The following MINAR1 variants were observed in gnomAD, a reference collection of about 807,000 sequenced individuals.
MINAR1 encodes the protein membrane integral NOTCH2 associated receptor 1.
A neutral mutation model predicts 65.1 loss-of-function variants in MINAR1; 40 were observed. That is an observed-to-expected ratio of 0.61 (90% confidence interval 0.48 to 0.80). MINAR1 has a LOEUF of 0.80. MINAR1 is among the 30% of genes least tolerant of loss of function. The pLI is 0.00. For synonymous variants in MINAR1, 482 were observed against 449.1 expected (o/e 1.07, Z -0.93); for missense variants, 1,128 against 1,148.0 (o/e 0.98, Z 0.25).
intron 1 of MINAR1, among the ~76,000 whole-genome samples, chr15:79,449,692 A>AG (rs1486477657): frequency 3.9e-5 from 6 of 152,204 alleles, no homozygotes; most frequent in African/African-American, 7.2e-5. Flanking sequence ...ATTCCTGGGA[A>AG]GGGGTCTTAA....
chr15:79,449,814 C>G (rs990947911), intron 1 of MINAR1, among the ~76,000 whole-genome samples: 3 of 152,202 alleles, frequency 2.0e-5, no homozygotes, highest in African/African-American at 7.2e-5. Context: ...CTCCTTCTCT[C>G]CATCCCTACC....
chr15:79,430,537 C>A (rs1161892732), upstream of MINAR1, among the ~76,000 whole-genome samples: 3 of 152,314 alleles, frequency 2.0e-5, no homozygotes, highest in East Asian at 5.8e-4. Flanking sequence ...ACCAAACAGG[C>A]TTCTTACCCT....
chr15:79,466,592 C>T (rs1405145792), intron 3 of MINAR1, among the ~76,000 whole-genome samples: 2 of 152,048 alleles, frequency 1.3e-5, no homozygotes. Flanking sequence ...AAGGGTTGTA[C>T]AAAGACAGGT....
rs555263761 is a variant in MINAR1 at position 79,449,345 on chromosome 15, C to T, written c.-50-6753C>T. Among the ~76,000 whole-genome samples the T allele has an allele frequency of 2.2e-4, 34 of 152,310 alleles. No individual in the cohort carries two copies. The South Asian group carries it at 3.5e-3, about 16-fold the overall frequency. On this transcript the variant is annotated intron_variant, in intron 1 of 3. Transcript: ENST00000305428. ...GACTCCCAGCCCAGAGTTTAGTGTACGCCCTATCTTAGTATGTTTGTGTTG... is the reference window on the plus strand; with the variant it reads ...GACTCCCAGCCCAGAGTTTAGTGTATGCCCTATCTTAGTATGTTTGTGTTG...
Position 79,434,661 on chromosome 15 carries a change from A to C in MINAR1, c.-51+2121A>C, listed in dbSNP as rs181481809. 1.5e-3 allele frequency among the ~76,000 whole-genome samples: 224 copies of C among 152,310 alleles called. 2 individuals are homozygous for C. Among genetic ancestry groups the C allele is most frequent in the Admixed American group, 2.2e-3 (34 of 15,312 alleles). ...GAAAAGGTTCTAGATTCCTCAGTGA[A>C]TCTATTGCTGAATCCCACTGATTAG... On this transcript the variant is annotated intron_variant, in intron 1 of 3. Transcript: ENST00000305428.
intron 3 of MINAR1, among the ~76,000 whole-genome samples, chr15:79,467,036 C>T (rs1419456032): frequency 6.6e-6 from 1 of 152,172 alleles, no homozygotes; most frequent in Admixed American, 6.5e-5. Flanking sequence ...GCCCCCATGA[C>T]GTGTCCATGT....
intron 2 of MINAR1, 120 bp downstream of exon 2, chr15:79,458,565 CTTCCAGGTT>C: frequency 5.5e-6 from 7 of 1,269,070 alleles, no homozygotes; most frequent in Non-Finnish European, 7.5e-6. Context: ...GCCAGTCATC[CTTCCAGGTT>C]TGGCAGGGTT....
In MINAR1 at chr15:79,432,525, C is replaced by G. The variant is rs983013074; in HGVS notation, c.-66C>G. ...CCGCAGAGAAGGGCGGGCCCTGCGC[C>G]CGGGGCGCCTCGGAGGTAAGTTCGG... is the stretch of plus-strand genomic sequence containing the variant. On this transcript the variant is annotated 5_prime_UTR_variant, in exon 1 of 4. Transcript: ENST00000305428. 2 of 152,500 alleles carry G rather than the reference C, an allele frequency of 1.3e-5. No individual in the cohort carries two copies. Among genetic ancestry groups the G allele is most frequent in the Non-Finnish European group, 2.9e-5 (2 of 68,274 alleles). The allele number at this position is 152,500 out of a possible 1,614,324, so 9.4% of individuals were successfully genotyped here.
chr15:79,427,647 C>A (rs1453107515), upstream of MINAR1, among the ~76,000 whole-genome samples: 2 of 152,188 alleles, frequency 1.3e-5, no homozygotes, highest in Non-Finnish European at 2.9e-5. Context: ...AAAAGTGTTT[C>A]CCTAGGAAGT....
intron 1 of MINAR1, among the ~76,000 whole-genome samples, chr15:79,455,255 A>C (rs1206537636): frequency 6.6e-6 from 1 of 152,226 alleles, no homozygotes; most frequent in East Asian, 1.9e-4. Flanking sequence ...ATCTTAGTGC[A>C]CATTATTTTC....
At chr15:79,440,743 T>G (rs574663790) in intron 1 of MINAR1, among the ~76,000 whole-genome samples, 22 of 152,150 alleles carry the variant, frequency 1.4e-4, no homozygotes, top group Non-Finnish European at 3.1e-4. Flanking sequence ...ATCTTTCCCC[T>G]GCGCCTCCTC....
upstream of MINAR1, among the ~76,000 whole-genome samples, chr15:79,430,428 TG>T (rs1185755997): frequency 2.6e-5 from 4 of 152,212 alleles, no homozygotes; most frequent in African/African-American, 9.7e-5. Flanking sequence ...TGGATTCAAC[TG>T]TTCTCGGTTT....
chr15:79,467,193 T>A (rs1421613280), intron 3 of MINAR1, among the ~76,000 whole-genome samples: 1 of 152,224 alleles, frequency 6.6e-6, no homozygotes, highest in East Asian at 1.9e-4. Flanking sequence ...GAAAGGTTTG[T>A]TTTTTGAGCC....
intron 1 of MINAR1, among the ~76,000 whole-genome samples, chr15:79,444,062 G>A (rs1041850196): frequency 2.6e-5 from 4 of 152,174 alleles, no homozygotes; most frequent in South Asian, 2.1e-4. Context: ...GATGTGTAAC[G>A]TGAGCTCTAG....
At position 79,463,062 on chromosome 15, in the gene MINAR1, T is replaced by C. The variant is rs1895703954; in HGVS notation, c.2299-5T>C. Reference sequence around the variant, plus strand: ...TTGTCTGGACTTCTTTGTGCCCCTCTGCAGGCAGACAGGCAGTACGACATT... The same window carrying C: ...TTGTCTGGACTTCTTTGTGCCCCTCCGCAGGCAGACAGGCAGTACGACATT... On this transcript the variant is annotated splice_polypyrimidine_tract_variant and splice_region_variant and intron_variant, in intron 2 of 3. Coordinates refer to ENST00000305428, the MANE Select transcript of MINAR1 (RefSeq NM_015206.3). 6.2e-7 allele frequency: 1 copy of C among 1,608,440 alleles called. No homozygotes were observed.
rs758931851 is a variant in MINAR1 at position 79,458,188 on chromosome 15, T to C, written c.2041T>C (p.Trp681Arg). The change falls in exon 2 of 4, where the codon TGG (tryptophan) becomes CGG (arginine). Residue 681 changes from tryptophan to arginine, a missense_variant. Transcript: ENST00000305428. ...HGPKLENNPD[W>R]CCSDASGSNS... The stretch of plus-strand genomic sequence containing the variant: ...ACCCAAACTAGAGAACAACCCTGAC[T>C]GGTGCTGCTCTGATGCTAGCGGGAG... 1 of 1,614,116 alleles carries C rather than the reference T, an allele frequency of 6.2e-7. No homozygotes were observed. Among genetic ancestry groups the C allele is most frequent in the Non-Finnish European group, 8.5e-7 (1 of 1,180,032 alleles).
chr15:79,433,456 A>G (rs1894509373), intron 1 of MINAR1, among the ~76,000 whole-genome samples: 1 of 152,168 alleles, frequency 6.6e-6, no homozygotes, highest in Admixed American at 6.5e-5. Flanking sequence ...AAAAATCCAG[A>G]GTTTCTGCTA....
intron 1 of MINAR1, among the ~76,000 whole-genome samples, chr15:79,435,864 T>C (rs1215547781): frequency 6.6e-6 from 1 of 152,218 alleles, no homozygotes; most frequent in African/African-American, 2.4e-5. Flanking sequence ...GATAGAAGCA[T>C]ATATATGGTG....
Position 79,472,169 on chromosome 15 carries a change from T to TA in MINAR1, c.*3787dup, listed in dbSNP as rs1896109513. ...TAAATGTTATGTTATATAATACCAA[T>TA]AACTAAGCACATTTTTAGATCTTTT... On this transcript the variant is annotated 3_prime_UTR_variant, in exon 4 of 4. Coordinates refer to ENST00000305428, the MANE Select transcript of MINAR1 (RefSeq NM_015206.3). 6 of 152,772 alleles carry TA rather than the reference T, an allele frequency of 3.9e-5. No homozygotes were observed. In the South Asian group the frequency reaches 1.2e-3, roughly 32 times the overall value. 9.5% of individuals were successfully genotyped at this position (152,772 alleles called of 1,614,324 possible).
Sources: gnomAD v4.1 joint callset for allele counts (sites outside exome capture counted in the v4.1 genomes callset) on GRCh38, gnomAD v4.1.1 for gene constraint, MANE v1.5 for transcripts, NCBI Gene and HGNC (gene_info 2026-07-23, HGNC 2026-07-21) for gene names.